The following ATRNL1 variants were observed in gnomAD, a reference collection of about 807,000 sequenced individuals.
ATRNL1 encodes attractin-like protein 1.
ATRNL1 carries 95 observed loss-of-function variants against 182.7 expected under a neutral mutation model. The observed-to-expected ratio is 0.52, with a 90% confidence interval of 0.44 to 0.62. The LOEUF is 0.62. Among genes scored for constraint, ATRNL1 ranks in the 20% least tolerant of loss-of-function variants. The probability of loss-of-function intolerance (pLI) is 0.00; values close to 1 mark genes in which losing one functional copy is unlikely to be tolerated. For missense variants in ATRNL1, 1,471 were observed against 1,679.5 expected, an observed-to-expected ratio of 0.88 and a Z score of 2.17; for synonymous variants, 576 against 568.3, an observed-to-expected ratio of 1.01 and a Z score of -0.19.
intron 13 of ATRNL1, among the ~76,000 whole-genome samples, chr10:115,270,122 G>C (rs1851778261): frequency 6.6e-6 from 1 of 150,752 alleles, no homozygotes; most frequent in Non-Finnish European, 1.5e-5. Context: ...AGTTATTTTA[G>C]TAGAAGTCGG....
chr10:115,884,990 C>T, intron 28 of ATRNL1, among the ~76,000 whole-genome samples: 1 of 152,270 alleles, frequency 6.6e-6, no homozygotes, highest in African/African-American at 2.4e-5. Flanking sequence ...CAAAGATTAC[C>T]TGATAATTGC....
chr10:115,327,202 A>G (rs1554933603), intron 18 of ATRNL1, among the ~76,000 whole-genome samples: 3 of 151,880 alleles, frequency 2.0e-5, no homozygotes, highest in Non-Finnish European at 4.4e-5. Context: ...AAGGGCTAAT[A>G]TCCAGAATCT....
At chr10:115,271,165 T>TACACACACAC (rs59638255) in intron 13 of ATRNL1, among the ~76,000 whole-genome samples, 2,057 of 145,990 alleles carry the variant, frequency 0.014, 55 homozygotes, top group African/African-American at 0.05. Flanking sequence ...ACAAAGATAT[T>TACACACACAC]ACACACACAC....
intron 21 of ATRNL1, among the ~76,000 whole-genome samples, chr10:115,444,817 C>T (rs573882813): frequency 3.2e-4 from 48 of 151,896 alleles, no homozygotes; most frequent in Middle Eastern, 6.8e-3. Context: ...TTGCAACTTC[C>T]GCCTCTCGGG....
At position 115,947,513 on chromosome 10, in the gene ATRNL1, C is replaced by A. The variant is rs1260453695; in HGVS notation, c.*2734C>A. The A allele has an allele frequency of 6.6e-6, 1 of 152,528 alleles. No individual in the cohort carries two copies. The highest frequency in any genetic ancestry group is 1.9e-4 in the East Asian group (1 of 5,186). 9.4% of individuals were successfully genotyped at this position (152,528 alleles called of 1,614,324 possible). On this transcript the variant is annotated 3_prime_UTR_variant, in exon 29 of 29. Coordinates refer to ENST00000355044, the MANE Select transcript of ATRNL1 (RefSeq NM_207303.4). Reference sequence around the variant, plus strand: ...AAAATTCCTATTGGAAAAGAATTTGCACATACTTACAGATTCAGCTAATAA... The same window carrying A: ...AAAATTCCTATTGGAAAAGAATTTGAACATACTTACAGATTCAGCTAATAA...
intron 28 of ATRNL1, among the ~76,000 whole-genome samples, chr10:115,901,862 C>A (rs1169741307): frequency 6.6e-6 from 1 of 152,060 alleles, no homozygotes; most frequent in Non-Finnish European, 1.5e-5. Flanking sequence ...AGCAAATGCC[C>A]TCTATCCCCT....
chr10:115,621,309 AGAGAGTGTGT>A (rs1326858771), intron 26 of ATRNL1, among the ~76,000 whole-genome samples: 18 of 119,374 alleles, frequency 1.5e-4, no homozygotes, highest in African/African-American at 4.8e-4. Flanking sequence ...AGAGAGAGAG[AGAGAGTGTGT>A]GAGTGAGTCA....
At chr10:115,740,360 A>G (rs1948099322) in intron 27 of ATRNL1, among the ~76,000 whole-genome samples, 1 of 10,368 alleles carries the variant, frequency 9.6e-5, no homozygotes, top group Non-Finnish European at 5.9e-4. Context: ...TGGATTTACC[A>G]TTAATGACAT....
chr10:115,126,792 CT>C (rs1844994806), intron 3 of ATRNL1, among the ~76,000 whole-genome samples: 1 of 152,150 alleles, frequency 6.6e-6, no homozygotes, highest in Non-Finnish European at 1.5e-5. Flanking sequence ...TTAGCAGCTT[CT>C]TTTCTTTCAC....
chr10:115,398,634 G>C (rs898558036), intron 20 of ATRNL1, among the ~76,000 whole-genome samples: 1 of 152,110 alleles, frequency 6.6e-6, no homozygotes, highest in South Asian at 2.1e-4. Flanking sequence ...CTAGATGTAG[G>C]ATCATGTTGT....
intron 27 of ATRNL1, among the ~76,000 whole-genome samples, chr10:115,742,807 C>T (rs1555068001): frequency 6.6e-6 from 1 of 152,108 alleles, no homozygotes; most frequent in African/African-American, 2.4e-5. Context: ...CAAATCTTCT[C>T]ATATCACCTT....
At chr10:115,915,857 T>G (rs1176530209) in intron 28 of ATRNL1, among the ~76,000 whole-genome samples, 2 of 152,210 alleles carry the variant, frequency 1.3e-5, no homozygotes, top group Non-Finnish European at 2.9e-5. Flanking sequence ...AAATTGCTGG[T>G]GACCCTGGAG....
chr10:115,788,179 G>C (rs1278499831), intron 27 of ATRNL1, among the ~76,000 whole-genome samples: 1 of 152,208 alleles, frequency 6.6e-6, no homozygotes, highest in African/African-American at 2.4e-5. Flanking sequence ...TGCAGAAAAT[G>C]CATCCTCTGA....
chr10:115,121,516 T>A lies in ATRNL1; in HGVS notation c.378-183T>A, dbSNP rs1399942860. On this transcript the variant is annotated intron_variant, in intron 2 of 28. Coordinates refer to ENST00000355044, the MANE Select transcript of ATRNL1 (RefSeq NM_207303.4). Reference sequence around the variant, plus strand: ...ATTTGTACAAATTAGATATGATGGCTTATCAATCTTTCACCCTGATAAGGA... The same window carrying A: ...ATTTGTACAAATTAGATATGATGGCATATCAATCTTTCACCCTGATAAGGA... Among the ~76,000 whole-genome samples, 3 of 152,216 alleles carry A rather than the reference T, an allele frequency of 2.0e-5. No individual in the cohort carries two copies. The East Asian group carries it at 5.8e-4, about 29-fold the overall frequency.
chr10:115,398,608 G>A (rs1844402848), intron 20 of ATRNL1, among the ~76,000 whole-genome samples: 1 of 152,016 alleles, frequency 6.6e-6, no homozygotes, highest in African/African-American at 2.4e-5. Flanking sequence ...CTTTTGGGCC[G>A]AGACTATGGG....
chr10:115,687,206 C>T (rs550131262), intron 26 of ATRNL1, among the ~76,000 whole-genome samples: 11 of 152,132 alleles, frequency 7.2e-5, no homozygotes, highest in African/African-American at 2.4e-4. Context: ...TATAGTAGGT[C>T]TCTAGGACTT....
At chr10:115,164,421 G>A (rs115595385) in intron 6 of ATRNL1, among the ~76,000 whole-genome samples, 1,802 of 152,172 alleles carry the variant, frequency 0.012, 34 homozygotes, top group African/African-American at 0.04. Context: ...TAAACAGTGC[G>A]GAGGTTCCTC....
chr10:115,790,912 C>T (rs577558242), intron 27 of ATRNL1, among the ~76,000 whole-genome samples: 43 of 152,294 alleles, frequency 2.8e-4, no homozygotes, highest in African/African-American at 1.0e-3. Context: ...CACATTTTCT[C>T]TTACTCTGCC....
At chr10:115,244,660 G>A (rs1247354690) in intron 10 of ATRNL1, among the ~76,000 whole-genome samples, 1 of 152,138 alleles carries the variant, frequency 6.6e-6, no homozygotes, top group African/African-American at 2.4e-5. Context: ...TTTGAGGTCA[G>A]ATTTGAGAAT....
Sources: allele counts gnomAD v4.1 joint callset (sites outside exome capture counted in the v4.1 genomes callset), GRCh38; gene constraint gnomAD v4.1.1; transcripts MANE v1.5; gene names NCBI Gene and HGNC (gene_info 2026-07-23, HGNC 2026-07-21).